The following ATG10 variants were observed in gnomAD, a reference collection of about 807,000 sequenced individuals.
The protein encoded by ATG10 is ubiquitin-like-conjugating enzyme ATG10.
ATG10 carries 30 observed loss-of-function variants against 32.1 expected under a neutral mutation model. The observed-to-expected ratio is 0.94, with a 90% confidence interval of 0.70 to 1.27. The LOEUF (loss-of-function observed/expected upper bound fraction) is 1.27, where lower values mean the gene tolerates loss of function less well. Ranked by LOEUF, ATG10 falls within the 50% of genes most tolerant of loss-of-function variation. The probability of loss-of-function intolerance (pLI) is 0.00; values close to 1 mark genes in which losing one functional copy is unlikely to be tolerated. For missense variants in ATG10, 233 were observed against 262.3 expected (o/e 0.89, Z 0.77); for synonymous variants, 87 against 91.5 (o/e 0.95, Z 0.28).
intron 2 of ATG10, among the ~76,000 whole-genome samples, chr5:82,035,837 G>A (rs1418575790): frequency 6.7e-6 from 1 of 149,820 alleles, no homozygotes; most frequent in African/African-American, 2.4e-5. Flanking sequence ...ATTTTCTATA[G>A]GTATTGCAAA....
chr5:82,054,384 G>A (rs1297661404), intron 2 of ATG10, among the ~76,000 whole-genome samples: 1 of 152,138 alleles, frequency 6.6e-6, no homozygotes, highest in Non-Finnish European at 1.5e-5. Context: ...GATTCTGCCT[G>A]TCTGTCTTAA....
At chr5:82,107,823 GT>G (rs1363383399) in intron 3 of ATG10, among the ~76,000 whole-genome samples, 2 of 152,024 alleles carry the variant, frequency 1.3e-5, no homozygotes, top group African/African-American at 4.8e-5. Context: ...GATAATAAAG[GT>G]AGAATATGGG....
rs869258898 is a variant in ATG10, at chr5:82,217,810, C to CAA, written c.454-34736_454-34735dup. On this transcript the variant is annotated intron_variant, in intron 5 of 7. Transcript: ENST00000282185. ...CAATATAACAAGACCCCCTCTCTAC[C>CAA]AAAAAAAAAAAAAAAAATTAACTGG... Among the ~76,000 whole-genome samples the CAA allele has an allele frequency of 1.6e-4, 21 of 128,078 alleles. 1 individual carries two copies. The highest frequency in any genetic ancestry group is 5.0e-4 in the South Asian group (2 of 4,000). 84.0% of individuals were successfully genotyped at this position (128,078 alleles called of 152,430 possible).
intron 5 of ATG10, among the ~76,000 whole-genome samples, chr5:82,204,413 A>T (rs1449487259): frequency 6.6e-6 from 1 of 152,216 alleles, no homozygotes; most frequent in East Asian, 1.9e-4. Context: ...TATCTTTTTG[A>T]TAAATAATTT....
At chr5:82,107,336 G>A (rs1765473610) in intron 3 of ATG10, among the ~76,000 whole-genome samples, 1 of 152,000 alleles carries the variant, frequency 6.6e-6, no homozygotes, top group African/African-American at 2.4e-5. Flanking sequence ...CTTTTTACAT[G>A]TAGGATTATT....
chr5:82,050,485 TAA>T, intron 2 of ATG10, among the ~76,000 whole-genome samples: 1 of 152,220 alleles, frequency 6.6e-6, no homozygotes, highest in South Asian at 2.1e-4. Context: ...TTCTATTCAG[TAA>T]CTATAATTTA....
intron 2 of ATG10, among the ~76,000 whole-genome samples, chr5:82,030,774 T>TCA (rs1256735919): frequency 6.6e-6 from 1 of 152,210 alleles, no homozygotes; most frequent in Non-Finnish European, 1.5e-5. Flanking sequence ...TGACAGCCTG[T>TCA]CACATTTGGG....
intron 5 of ATG10, among the ~76,000 whole-genome samples, chr5:82,232,893 C>T (rs1029912727): frequency 1.3e-5 from 2 of 152,196 alleles, no homozygotes; most frequent in Non-Finnish European, 2.9e-5. Flanking sequence ...GCCTTCCTTT[C>T]TAGCTTCAGG....
chr5:82,044,349 CCCT>C (rs1327580431), intron 2 of ATG10, among the ~76,000 whole-genome samples: 4 of 152,174 alleles, frequency 2.6e-5, no homozygotes, highest in African/African-American at 9.6e-5. Context: ...CCCACCAGGC[CCCT>C]CCTCTAATTC....
At chr5:81,976,361 A>G (rs1247003101) in intron 1 of ATG10, 1 of 151,870 alleles carries the variant, frequency 6.6e-6, no homozygotes, top group Non-Finnish European at 1.5e-5. Flanking sequence ...CATGGTGGTC[A>G]AAGGAAAGAA....
chr5:82,088,558 G>C (rs938814985), intron 3 of ATG10, among the ~76,000 whole-genome samples: 1 of 152,140 alleles, frequency 6.6e-6, no homozygotes, highest in Non-Finnish European at 1.5e-5. Context: ...ACTAGAGTGC[G>C]TTCCTCCTTA....
chr5:82,079,514 C>T (rs1764399465), intron 3 of ATG10, among the ~76,000 whole-genome samples: 1 of 152,056 alleles, frequency 6.6e-6, no homozygotes, highest in South Asian at 2.1e-4. Flanking sequence ...TATCCCTCCC[C>T]AATCCCCCAC....
At chr5:82,016,548 C>G (rs1186736221) in intron 2 of ATG10, among the ~76,000 whole-genome samples, 1 of 152,056 alleles carries the variant, frequency 6.6e-6, no homozygotes, top group Non-Finnish European at 1.5e-5. Context: ...TTTAGTCTTG[C>G]TTTAGCTATG....
chr5:81,994,819 T>G (rs570847020), intron 2 of ATG10, among the ~76,000 whole-genome samples: 26 of 152,218 alleles, frequency 1.7e-4, no homozygotes, highest in Non-Finnish European at 3.8e-4. Context: ...GAATTATTAA[T>G]GTTCTCCTAG....
At chr5:82,047,444 A>G (rs940517994) in intron 2 of ATG10, among the ~76,000 whole-genome samples, 12 of 152,250 alleles carry the variant, frequency 7.9e-5, no homozygotes, top group African/African-American at 2.7e-4. Context: ...GTTTAAACTT[A>G]CTTTTGATGC....
At chr5:82,200,109 G>A (rs565787106) in intron 5 of ATG10, among the ~76,000 whole-genome samples, 1 of 152,194 alleles carries the variant, frequency 6.6e-6, no homozygotes, top group African/African-American at 2.4e-5. Flanking sequence ...CATTTGTAGG[G>A]TTTTTGGTTG....
chr5:82,207,153 A>G (rs1745330235), intron 5 of ATG10, among the ~76,000 whole-genome samples: 1 of 152,184 alleles, frequency 6.6e-6, no homozygotes, highest in South Asian at 2.1e-4. Flanking sequence ...GTATGTATGC[A>G]TTTCTATTGG....
intron 1 of ATG10, among the ~76,000 whole-genome samples, chr5:81,978,487 C>A (rs1208497049): frequency 6.6e-6 from 1 of 152,174 alleles, no homozygotes; most frequent in African/African-American, 2.4e-5. Flanking sequence ...TCCTACTACC[C>A]ACTGTTCAAA....
intron 4 of ATG10, among the ~76,000 whole-genome samples, chr5:82,176,029 T>G (rs778644137): frequency 6.6e-6 from 1 of 152,174 alleles, no homozygotes; most frequent in Non-Finnish European, 1.5e-5. Context: ...AAACATCTAC[T>G]TCTAAAATTA....
Sources: allele counts gnomAD v4.1 joint callset (sites outside exome capture counted in the v4.1 genomes callset), GRCh38; gene constraint gnomAD v4.1.1; transcripts MANE v1.5; gene names NCBI Gene and HGNC (gene_info 2026-07-23, HGNC 2026-07-21).